FRMD4A: variants seen among roughly 807,000 people sequenced by gnomAD.
FRMD4A encodes FERM domain containing 4A, also known as FERM domain-containing protein 4A.
FRMD4A carries 29 observed loss-of-function variants against 129.1 expected under a neutral mutation model. The ratio of observed to expected loss-of-function variants is 0.22; its 90% CI spans 0.17 to 0.31. FRMD4A has a LOEUF of 0.31. Among genes scored for constraint, FRMD4A ranks in the 10% least tolerant of loss-of-function variants. The probability of loss-of-function intolerance (pLI) is 1.00; values close to 1 mark genes in which losing one functional copy is unlikely to be tolerated. For synonymous variants in FRMD4A, 634 were observed against 571.6 expected (o/e 1.11, Z -1.56); for missense variants, 1,272 against 1,375.8 (o/e 0.92, Z 1.19).
Position 13,838,991 on chromosome 10 carries a change from CTTTTTTTTTT to C in FRMD4A, c.111+19846_111+19855del, listed in dbSNP as rs373871027. On this transcript the variant is annotated intron_variant, in intron 3 of 24. Transcript: ENST00000357447. Reference sequence around the variant, plus strand: ...AGGGCTTGGCTGGAAGAATAATTTCCTTTTTTTTTTTTTTTTTTTTTTAGAGATAGGGTCT... The same window carrying C: ...AGGGCTTGGCTGGAAGAATAATTTCCTTTTTTTTTTTTAGAGATAGGGTCT... Among the ~76,000 whole-genome samples the C allele has an allele frequency of 8.4e-5, 8 of 95,704 alleles. No homozygotes were observed. The Admixed American group carries it at 1.0e-3, about 13-fold the overall frequency. 62.8% of individuals were successfully genotyped at this position (95,704 alleles called of 152,430 possible).
At chr10:14,236,730 G>A (rs1002866113) in intron 2 of FRMD4A, among the ~76,000 whole-genome samples, 4 of 152,116 alleles carry the variant, frequency 2.6e-5, no homozygotes, top group Non-Finnish European at 5.9e-5. Context: ...ATCAGCAAGC[G>A]GTTCAGAGGA....
chr10:14,163,920 G>T (rs1397652734), intron 2 of FRMD4A, among the ~76,000 whole-genome samples: 1 of 152,182 alleles, frequency 6.6e-6, no homozygotes, highest in Non-Finnish European at 1.5e-5. Context: ...TCAGTCGAAT[G>T]AGTATCTCCC....
intron 2 of FRMD4A, among the ~76,000 whole-genome samples, chr10:14,064,592 T>A (rs1208084644): frequency 2.6e-5 from 4 of 152,204 alleles, no homozygotes; most frequent in African/African-American, 9.7e-5. Context: ...TATTTATTTA[T>A]TTTGAGGCAG....
intron 2 of FRMD4A, among the ~76,000 whole-genome samples, chr10:14,152,766 G>C (rs996111693): frequency 6.6e-6 from 1 of 152,084 alleles, no homozygotes; most frequent in Non-Finnish European, 1.5e-5. Flanking sequence ...CTTGAGCCTA[G>C]GAGGTTGAGG....
intron 2 of FRMD4A, among the ~76,000 whole-genome samples, chr10:14,139,691 C>G (rs1839737504): frequency 6.6e-6 from 1 of 152,132 alleles, no homozygotes; most frequent in African/African-American, 2.4e-5. Flanking sequence ...CTCAAGCAAT[C>G]CTCCCACTTC....
At chr10:13,978,249 G>C (rs1384519874) in intron 2 of FRMD4A, among the ~76,000 whole-genome samples, 1 of 152,174 alleles carries the variant, frequency 6.6e-6, no homozygotes, top group African/African-American at 2.4e-5. Context: ...ATAGGGTGGA[G>C]GCAGCAACAG....
chr10:14,074,116 ATT>A (rs894077268), intron 2 of FRMD4A, among the ~76,000 whole-genome samples: 2 of 152,170 alleles, frequency 1.3e-5, no homozygotes, highest in Admixed American at 1.3e-4. Flanking sequence ...CTCAAAAAAA[ATT>A]TTTTTTGTTT....
At chr10:14,267,721 C>T (rs999008682) in intron 2 of FRMD4A, among the ~76,000 whole-genome samples, 1 of 152,252 alleles carries the variant, frequency 6.6e-6, no homozygotes, top group South Asian at 2.1e-4. Flanking sequence ...AAGAGATGAG[C>T]ACATTTCTCT....
At chr10:14,095,044 G>A (rs1448338277) in intron 2 of FRMD4A, among the ~76,000 whole-genome samples, 3 of 152,140 alleles carry the variant, frequency 2.0e-5, no homozygotes, top group Admixed American at 1.3e-4. Flanking sequence ...GCATGTGTGT[G>A]TATGAACATG....
Position 14,046,044 on chromosome 10 carries a change from T to C in FRMD4A, c.46-187132A>G, listed in dbSNP as rs1366277428. On this transcript the variant is annotated intron_variant, in intron 2 of 24. Coordinates refer to ENST00000357447, the MANE Select transcript of FRMD4A (RefSeq NM_018027.5). The stretch of plus-strand genomic sequence containing the variant: ...ATTACATATTATCAATATGTATGTA[T>C]TGAAAAGTATATTTCAATGATCAAA... 2.0e-5 allele frequency among the ~76,000 whole-genome samples: 3 copies of C among 151,362 alleles called. No homozygotes were observed. In the East Asian group the frequency reaches 5.8e-4, roughly 29 times the overall value.
chr10:13,744,886 G>A (rs893845551), intron 9 of FRMD4A, among the ~76,000 whole-genome samples: 2 of 152,172 alleles, frequency 1.3e-5, no homozygotes, highest in Non-Finnish European at 2.9e-5. Context: ...TGTATCTGTA[G>A]GAAGGAGGAA....
At chr10:14,015,269 CCTTT>C (rs1202621615) in intron 2 of FRMD4A, among the ~76,000 whole-genome samples, 1 of 110,550 alleles carries the variant, frequency 9.0e-6, no homozygotes, top group African/African-American at 3.5e-5. Context: ...TCCTTTCCTT[CCTTT>C]CTTCCTTCCT....
At chr10:14,037,549 T>A (rs1230410586) in intron 2 of FRMD4A, among the ~76,000 whole-genome samples, 1 of 152,230 alleles carries the variant, frequency 6.6e-6, no homozygotes, top group Non-Finnish European at 1.5e-5. Flanking sequence ...TATTGATGGA[T>A]ATTTGAATAT....
intron 2 of FRMD4A, among the ~76,000 whole-genome samples, chr10:13,929,485 T>C (rs1313085559): frequency 1.3e-5 from 2 of 152,204 alleles, no homozygotes; most frequent in Non-Finnish European, 2.9e-5. Context: ...GGGAGCAGTG[T>C]TGTCCCTTCC....
intron 12 of FRMD4A, among the ~76,000 whole-genome samples, chr10:13,713,301 G>A (rs2088231594): frequency 6.6e-6 from 1 of 152,110 alleles, no homozygotes; most frequent in African/African-American, 2.4e-5. Context: ...TTGATGATGG[G>A]ACCCACATCT....
At position 13,701,322 on chromosome 10, in the gene FRMD4A, A is replaced by C. The variant is rs1296633447; in HGVS notation, c.975+18T>G. On this transcript the variant is annotated intron_variant, in intron 14 of 24. Coordinates refer to ENST00000357447, the MANE Select transcript of FRMD4A (RefSeq NM_018027.5). ...GGCAGACAATGGCCCGGGCTTGGTG[A>C]GAGGTCTGGTCACTCACCTTACTCT... is the stretch of plus-strand genomic sequence containing the variant. The C allele has an allele frequency of 6.2e-7, 1 of 1,606,434 alleles. No homozygotes were observed. Among genetic ancestry groups the C allele is most frequent in the Admixed American group, 1.7e-5 (1 of 59,340 alleles).
intron 15 of FRMD4A, chr10:13,692,638 T>C (rs1355035145): frequency 6.6e-6 from 1 of 151,364 alleles, no homozygotes; most frequent in Non-Finnish European, 1.5e-5. Flanking sequence ...GTCTGTCCTC[T>C]CTCTGGTCCT....
intron 12 of FRMD4A, among the ~76,000 whole-genome samples, chr10:13,714,563 T>C (rs1185249166): frequency 6.6e-6 from 1 of 152,166 alleles, no homozygotes; most frequent in East Asian, 1.9e-4. Flanking sequence ...ACTGTTCTCA[T>C]AGGCAAGAGG....
chr10:14,208,560 C>T (rs1178681448), intron 2 of FRMD4A, among the ~76,000 whole-genome samples: 1 of 152,100 alleles, frequency 6.6e-6, no homozygotes, highest in Non-Finnish European at 1.5e-5. Context: ...AACCTCCTAC[C>T]TGGGCTGAAG....
Sources: allele counts gnomAD v4.1 joint callset (sites outside exome capture counted in the v4.1 genomes callset), GRCh38; gene constraint gnomAD v4.1.1; transcripts MANE v1.5; gene names NCBI Gene and HGNC (gene_info 2026-07-23, HGNC 2026-07-21).